Variants in FN1 observed in about 807,000 individuals in gnomAD.
FN1 encodes fibronectin 1.
FN1 carries 106 observed loss-of-function variants against 297.3 expected under a neutral mutation model. That is an observed-to-expected ratio of 0.36 (90% CI 0.30 to 0.42). The LOEUF (loss-of-function observed/expected upper bound fraction) is 0.42. FN1 is among the 10% of genes least tolerant of loss of function. The pLI, the probability that FN1 is intolerant of heterozygous loss-of-function variation, is 1.00. For synonymous variants in FN1, 1,149 were observed against 1,152.6 expected (o/e 1.00, Z 0.06); for missense variants, 2,690 against 3,124.9 (o/e 0.86, Z 3.32).
In FN1 at chr2:215,430,867, G is replaced by A. The variant is rs1329422029; in HGVS notation, c.548-15C>T. ...ACACTTCTCAGCTGTAGGGAAATTT[G>A]GAAGAAAAACAGGAAAAAAAGGTTA... is the stretch of plus-strand genomic sequence containing the variant. On this transcript the variant is annotated splice_polypyrimidine_tract_variant and intron_variant, in intron 4 of 45. Transcript: ENST00000354785. 2 of 1,613,634 alleles carry A rather than the reference G, an allele frequency of 1.2e-6. No homozygotes were observed. Among genetic ancestry groups the A allele is most frequent in the Non-Finnish European group, 1.7e-6 (2 of 1,179,696 alleles).
In FN1 at chr2:215,361,505, A is replaced by C. The variant is rs1251840892; in HGVS notation, c.*50T>G. On this transcript the variant is annotated 3_prime_UTR_variant, in exon 46 of 46. Coordinates refer to ENST00000354785, the MANE Select transcript of FN1 (RefSeq NM_212482.4). ...GTCTGCTAACATCACTCCAGTTTAG[A>C]TGGATCTTGGCAGAGAGACATGCTT... is the stretch of plus-strand genomic sequence containing the variant. 1 of 1,299,762 alleles carries C rather than the reference A, an allele frequency of 7.7e-7. No homozygotes were observed. Among genetic ancestry groups the C allele is most frequent in the Non-Finnish European group, 1.1e-6 (1 of 892,634 alleles). 80.5% of individuals were successfully genotyped at this position (1,299,762 alleles called of 1,614,324 possible).
intron 36 of FN1, among the ~76,000 whole-genome samples, 191 bp downstream of exon 36, chr2:215,376,307 A>G (rs1246404715): frequency 1.3e-5 from 2 of 152,242 alleles, no homozygotes; most frequent in Admixed American, 6.5e-5. Context: ...CATGACAAAT[A>G]TTACACAAAA....
At chr2:215,404,307 T>TTTTTCG in intron 20 of FN1, 82 bp downstream of exon 20, 1 of 1,233,470 alleles carries the variant, frequency 8.1e-7, no homozygotes, top group South Asian at 1.3e-5. Context: ...ATGTTTTTTT[T>TTTTTCG]GTTTTGTTTT....
In FN1 at chr2:215,401,225, A is replaced by AG. The variant is rs1162368128; in HGVS notation, c.3254-1875dup. Among the ~76,000 whole-genome samples the AG allele has an allele frequency of 4.4e-3, 238 of 54,412 alleles. 3 individuals are homozygous for AG. The highest frequency in any genetic ancestry group is 0.016 in the African/African-American group (225 of 13,812). The allele number at this position is 54,412 out of a possible 152,430, so 35.7% of individuals were successfully genotyped here. ...AAGAAAGAAAGAAAGAAAGAAAGAA[A>AG]GAAAGAAAGAAAGAAAGAAAGAAAG... On this transcript the variant is annotated intron_variant, in intron 20 of 45. Coordinates refer to ENST00000354785, the MANE Select transcript of FN1 (RefSeq NM_212482.4).
At chr2:215,424,751 A>G (rs1050551254) in intron 7 of FN1, among the ~76,000 whole-genome samples, 4 of 152,210 alleles carry the variant, frequency 2.6e-5, no homozygotes, top group African/African-American at 9.6e-5. Flanking sequence ...TGCAGAATAC[A>G]TATATTAGGT....
Position 215,364,948 on chromosome 2 carries a change from G to T in FN1, c.7182C>A (p.His2394Gln). The T allele has an allele frequency of 1.3e-6, 2 of 1,581,068 alleles. No homozygotes were observed. Among genetic ancestry groups the T allele is most frequent in the Non-Finnish European group, 8.6e-7 (1 of 1,162,330 alleles). The part of the protein sequence containing the change: ...ATCYDDGKTY[H>Q]VGEQWQKEYL... ...ATTCCTTCTGCCACTGTTCTCCTAC[G>T]TGGTATGTCTTCCCATCATCATAAC... The change falls in exon 44 of 46, where the codon CAC becomes CAA. Residue 2394 changes from histidine to glutamine, a missense_variant. Coordinates refer to ENST00000354785, the MANE Select transcript of FN1 (RefSeq NM_212482.4).
intron 26 of FN1, among the ~76,000 whole-genome samples, chr2:215,388,997 A>C (rs2059377086): frequency 6.6e-6 from 1 of 152,196 alleles, no homozygotes; most frequent in Non-Finnish European, 1.5e-5. Flanking sequence ...TACTGGAAAA[A>C]AGCCACACTT....
In FN1 at chr2:215,381,169, C is replaced by G; in HGVS notation, c.5165-89G>C. The G allele has an allele frequency of 3.0e-6, 4 of 1,326,390 alleles. No individual in the cohort carries two copies. In the East Asian group the frequency reaches 9.2e-5, roughly 31 times the overall value. 82.2% of individuals were successfully genotyped at this position (1,326,390 alleles called of 1,614,324 possible). A position where few individuals can be genotyped will look rare whatever the true frequency, so the allele number is the denominator to read the frequency against. On this transcript the variant is annotated intron_variant, in intron 32 of 45. Transcript: ENST00000354785. Reference sequence around the variant, plus strand: ...AACATGCAAAGCAGTTTTGCAGATACCATTTTCTTTGATGAAGTCCAATTA... The same window carrying G: ...AACATGCAAAGCAGTTTTGCAGATAGCATTTTCTTTGATGAAGTCCAATTA...
chr2:215,425,985 T>C (rs1319321228), intron 6 of FN1, among the ~76,000 whole-genome samples: 1 of 152,182 alleles, frequency 6.6e-6, no homozygotes, highest in Non-Finnish European at 1.5e-5. Context: ...CTTCAGCAGC[T>C]GTCCTGGATT....
chr2:215,379,585 A>G (rs973880872), intron 33 of FN1: 6 of 335,574 alleles, frequency 1.8e-5, no homozygotes, highest in Admixed American at 4.5e-5. Context: ...TTTAGGTTTT[A>G]CAAGTTTTGC....
At chr2:215,366,574 A>C (rs1000060627) in intron 42 of FN1, among the ~76,000 whole-genome samples, 62 of 152,252 alleles carry the variant, frequency 4.1e-4, no homozygotes, top group African/African-American at 1.5e-3. Flanking sequence ...ACTACTATAC[A>C]TAAGGGATGA....
At chr2:215,370,461 G>C in intron 40 of FN1, 29 bp from the exon 41 acceptor site, 1 of 1,575,372 alleles carries the variant, frequency 6.3e-7, no homozygotes, top group Non-Finnish European at 8.7e-7. Flanking sequence ...CCAAAGCAGA[G>C]AGAAAGCATT....
intron 35 of FN1, among the ~76,000 whole-genome samples, chr2:215,377,026 G>A (rs2057387990): frequency 6.6e-6 from 1 of 150,768 alleles, no homozygotes; most frequent in Non-Finnish European, 1.5e-5. Context: ...CAATAACATG[G>A]CCAGCTAACA....
chr2:215,411,665 C>CT (rs11367419), intron 13 of FN1, among the ~76,000 whole-genome samples: 8,748 of 120,150 alleles, frequency 0.073, 374 homozygotes, highest in Middle Eastern at 0.18. Context: ...ATTCAATGTA[C>CT]TTTTTTTTTT....
intron 13 of FN1, among the ~76,000 whole-genome samples, chr2:215,412,760 C>CTTTTTTTTTTTTTTTTTTTTTTTTTTT (rs10524797): frequency 2.0e-5 from 2 of 97,570 alleles, no homozygotes; most frequent in Admixed American, 9.7e-5. Flanking sequence ...TATTAAGTAT[C>CTTTTTTTTTTTTTTTTTTTTTTTTTTT]TTTTTTTTTT....
In FN1 at chr2:215,383,422, C is replaced by T. The variant is rs748331532; in HGVS notation, c.4956G>A (p.Lys1652=). Reference sequence around the variant, plus strand: ...TAACAGGGGAACTTGAAGGCAGCCACTTGACACTAATGCTGTTGTCCTGAA... The same window carrying T: ...TAACAGGGGAACTTGAAGGCAGCCATTTGACACTAATGCTGTTGTCCTGAA... The part of the protein sequence containing the change: ...TDVQDNSISV[K]WLPSSSPVTG... The change falls in exon 31 of 46, where the codon AAG becomes AAA. Residue 1652 remains lysine, a synonymous_variant. Transcript: ENST00000354785. 116 of 1,613,996 alleles carry T rather than the reference C, an allele frequency of 7.2e-5. 1 individual carries two copies. The highest frequency in any genetic ancestry group is 9.7e-5 in the Non-Finnish European group (115 of 1,180,002).
intron 43 of FN1, among the ~76,000 whole-genome samples, chr2:215,365,252 T>G (rs1031467509): frequency 6.6e-6 from 1 of 152,206 alleles, no homozygotes; most frequent in Non-Finnish European, 1.5e-5. Flanking sequence ...AAAGCTTCTT[T>G]GTAGCATTTT....
intron 40 of FN1, among the ~76,000 whole-genome samples, chr2:215,371,693 T>C (rs886482332): frequency 2.0e-4 from 18 of 89,150 alleles, no homozygotes; most frequent in Non-Finnish European, 3.6e-4. Context: ...TTTTTTTTTT[T>C]CAAGAGACGA....
At position 215,399,355 on chromosome 2, in the gene FN1, TGAGA is replaced by T. The variant is rs1174347980; in HGVS notation, c.3254-8_3254-5del. On this transcript the variant is annotated splice_region_variant and splice_polypyrimidine_tract_variant and intron_variant, in intron 20 of 45. Coordinates refer to ENST00000354785, the MANE Select transcript of FN1 (RefSeq NM_212482.4). ...GGAATAGAGCTCCCAGGCTGCACTG[TGAGA>T]GAGAATCAATGCACATATTCAAAAC... 7 of 1,597,092 alleles carry T rather than the reference TGAGA, an allele frequency of 4.4e-6. No individual in the cohort carries two copies. Among genetic ancestry groups the T allele is most frequent in the Non-Finnish European group, 5.2e-6 (6 of 1,164,502 alleles).
Sources: gnomAD v4.1 joint callset for allele counts (sites outside exome capture counted in the v4.1 genomes callset) on GRCh38, gnomAD v4.1.1 for gene constraint, MANE v1.5 for transcripts, NCBI Gene and HGNC (gene_info 2026-07-23, HGNC 2026-07-21) for gene names.